The following MACROD1 variants were observed in gnomAD, a reference collection of about 807,000 sequenced individuals.
MACROD1 encodes ADP-ribose glycohydrolase MACROD1.
Under a neutral mutation model 41.4 loss-of-function variants are expected in MACROD1, and 31 were observed. The observed-to-expected ratio is 0.75, with a 90% CI of 0.56 to 1.01. The LOEUF (loss-of-function observed/expected upper bound fraction) is 1.01. MACROD1 is among the 50% of genes least tolerant of loss of function. The pLI is 0.00. For synonymous variants in MACROD1, 252 were observed against 203.4 expected (o/e 1.24, Z -2.03); for missense variants, 473 against 460.0 (o/e 1.03, Z -0.26).
chr11:64,165,731 G>C lies in MACROD1; in HGVS notation c.264C>G (p.Asp88Glu). ...WAPLAMAAKV[D>E]LSTSTDWKEA... ...CCTTCCAGTCGGTGGAGGTGCTCAG[G>C]TCCACCTTCGCCGCCATGGCCAGGG... The change falls in exon 1 of 11, where the codon GAC becomes GAG. Residue 88 changes from aspartate (D) to glutamate (E), a missense_variant. Transcript: ENST00000255681. 6.7e-7 allele frequency: 1 copy of C among 1,494,624 alleles called. No individual in the cohort carries two copies. The highest frequency in any genetic ancestry group is 8.9e-7 in the Non-Finnish European group (1 of 1,124,986). The allele number at this position is 1,494,624 out of a possible 1,614,324, so 92.6% of individuals were successfully genotyped here.
chr11:64,119,280 G>A (rs1945055325), intron 3 of MACROD1: 1 of 154,838 alleles, frequency 6.5e-6, no homozygotes. Flanking sequence ...TAAAGGCTGA[G>A]GTGTGTATGT....
At chr11:64,160,424 G>A (rs182426747) in intron 1 of MACROD1, among the ~76,000 whole-genome samples, 3 of 152,304 alleles carry the variant, frequency 2.0e-5, no homozygotes, top group South Asian at 2.1e-4. Flanking sequence ...GGCTTTGAGA[G>A]AGGATCCTCT....
At chr11:64,000,597 C>A (rs1313882063) in intron 4 of MACROD1, among the ~76,000 whole-genome samples, 2 of 152,030 alleles carry the variant, frequency 1.3e-5, no homozygotes, top group African/African-American at 4.8e-5. Context: ...GGGGCGCACC[C>A]GGCCCACCCT....
chr11:64,004,240 C>T (rs1050129488), intron 4 of MACROD1, among the ~76,000 whole-genome samples: 4 of 152,146 alleles, frequency 2.6e-5, no homozygotes, highest in African/African-American at 9.7e-5. Flanking sequence ...TGAGTGATTG[C>T]CCATGGCCCT....
At chr11:64,034,664 C>T (rs1225192928) in intron 3 of MACROD1, among the ~76,000 whole-genome samples, 1 of 152,058 alleles carries the variant, frequency 6.6e-6, no homozygotes, top group East Asian at 1.9e-4. Context: ...AGGGGGGACC[C>T]TCCCCAAGGG....
intron 3 of MACROD1, among the ~76,000 whole-genome samples, chr11:64,115,602 C>A (rs1001766601): frequency 6.6e-6 from 1 of 152,228 alleles, no homozygotes; most frequent in Non-Finnish European, 1.5e-5. Flanking sequence ...GACAATGAAG[C>A]TCCCTGCTCT....
chr11:64,120,285 G>A lies in MACROD1; in HGVS notation c.517+30954C>T, dbSNP rs1590939140. The stretch of plus-strand genomic sequence containing the variant: ...GGGAACAGCCGAGCAGCGTGGTCAC[G>A]TTTCACTCGAAACTAGACGTGTTTT... On this transcript the variant is annotated intron_variant, in intron 3 of 10. Transcript: ENST00000255681. The surrounding 1 kb of genome is among the most constrained non-coding windows in gnomAD (Gnocchi z 4.5). Among the ~76,000 whole-genome samples the A allele has an allele frequency of 6.6e-6, 1 of 152,186 alleles. No individual in the cohort carries two copies. Among genetic ancestry groups the A allele is most frequent in the Non-Finnish European group, 1.5e-5 (1 of 68,036 alleles).
intron 4 of MACROD1, chr11:64,000,967 G>A (rs1286715553): frequency 5.8e-6 from 1 of 173,770 alleles, no homozygotes; most frequent in Non-Finnish European, 1.2e-5. Context: ...CCGACGCCCG[G>A]GCCCGAGTCT....
intron 3 of MACROD1, among the ~76,000 whole-genome samples, chr11:64,078,484 G>T (rs917560326): frequency 6.6e-6 from 1 of 152,222 alleles, no homozygotes; most frequent in African/African-American, 2.4e-5. Flanking sequence ...GGCTAATCTG[G>T]TTATTCCACC....
chr11:64,065,658 C>T (rs1000753272), intron 3 of MACROD1, among the ~76,000 whole-genome samples: 14 of 152,074 alleles, frequency 9.2e-5, no homozygotes, highest in Non-Finnish European at 1.9e-4. Context: ...GGCATGGTGG[C>T]GGCCGCCTGT....
chr11:64,066,142 C>T (rs950226372), intron 3 of MACROD1, among the ~76,000 whole-genome samples: 1 of 151,434 alleles, frequency 6.6e-6, no homozygotes, highest in Non-Finnish European at 1.5e-5. Context: ...ACTAAAAATA[C>T]AAGAATTAGC....
At chr11:64,000,990 A>T in intron 4 of MACROD1, 1 of 181,550 alleles carries the variant, frequency 5.5e-6, no homozygotes, top group Non-Finnish European at 1.2e-5. Context: ...TGGCGCGCAA[A>T]CCCCAGCTGG....
At chr11:64,164,736 A>G (rs2701534) in intron 1 of MACROD1, among the ~76,000 whole-genome samples, 151,355 of 152,290 alleles carry the variant, frequency 0.99, 75,224 homozygotes, top group Middle Eastern at 1. Context: ...TGCCCAGCCC[A>G]GAGGCCACAC....
At chr11:64,079,756 T>TGG (rs1944272245) in intron 3 of MACROD1, among the ~76,000 whole-genome samples, 2 of 150,388 alleles carry the variant, frequency 1.3e-5, no homozygotes, top group Admixed American at 1.3e-4. Context: ...AAATGTGGAG[T>TGG]GGAGGTAAGG....
In MACROD1 at chr11:64,120,909, G is replaced by A. The variant is rs112466196; in HGVS notation, c.517+30330C>T. Among the ~76,000 whole-genome samples, 6,053 of 152,114 alleles carry A rather than the reference G, an allele frequency of 0.04. 147 individuals are homozygous for A. The highest frequency in any genetic ancestry group is 0.057 in the Non-Finnish European group (3,889 of 67,958). On this transcript the variant is annotated intron_variant, in intron 3 of 10. Coordinates refer to ENST00000255681, the MANE Select transcript of MACROD1 (RefSeq NM_014067.4). This position sits in a 1 kb window ranked among gnomAD's most constrained non-coding sequence, Gnocchi z 4.5. ...CCCAAGTCCCGCCCATCTGCAACAC[G>A]GTGCTGCCAGCACACTGTCCCCACC...
chr11:64,110,601 C>T (rs561621005), intron 3 of MACROD1, among the ~76,000 whole-genome samples: 1 of 152,132 alleles, frequency 6.6e-6, no homozygotes, highest in East Asian at 1.9e-4. Context: ...CCCAGCTAAG[C>T]GGAGGAGTAA....
At chr11:64,042,316 G>C (rs1326860852) in intron 3 of MACROD1, among the ~76,000 whole-genome samples, 2 of 152,184 alleles carry the variant, frequency 1.3e-5, no homozygotes, top group Non-Finnish European at 2.9e-5. Context: ...GGAAGGGGCT[G>C]GAGTGGCTGC....
At chr11:64,051,570 C>T (rs1943695970) in intron 3 of MACROD1, among the ~76,000 whole-genome samples, 1 of 152,226 alleles carries the variant, frequency 6.6e-6, no homozygotes, top group African/African-American at 2.4e-5. Context: ...GAGACTAAAT[C>T]TGTCCGGGTC....
At chr11:64,127,940 C>T (rs1455757582) in intron 3 of MACROD1, among the ~76,000 whole-genome samples, 1 of 152,180 alleles carries the variant, frequency 6.6e-6, no homozygotes, top group Non-Finnish European at 1.5e-5. Flanking sequence ...ATAGCAGTCT[C>T]TGCTAAATTT....
Sources: gnomAD v4.1 joint callset for allele counts (sites outside exome capture counted in the v4.1 genomes callset) on GRCh38, gnomAD v4.1.1 for gene constraint, Gnocchi (gnomAD v3.1) non-coding constraint, MANE v1.5 for transcripts, NCBI Gene and HGNC (gene_info 2026-07-23, HGNC 2026-07-21) for gene names.